The following PTPN13 variants were observed in gnomAD, a reference collection of about 807,000 sequenced individuals.
PTPN13 encodes the protein tyrosine-protein phosphatase non-receptor type 13.
PTPN13 carries 191 observed loss-of-function variants against 284.0 expected under a neutral mutation model. The observed-to-expected ratio is 0.67, with a 90% confidence interval of 0.60 to 0.76. The LOEUF (loss-of-function observed/expected upper bound fraction) is 0.76. Ranked by LOEUF, PTPN13 falls within the 30% of genes least tolerant of loss-of-function variation. The probability of loss-of-function intolerance (pLI) is 0.00; values close to 1 mark genes in which losing one functional copy is unlikely to be tolerated. For missense variants in PTPN13, 2,797 were observed against 2,939.9 expected, an observed-to-expected ratio of 0.95 and a Z score of 1.12; for synonymous variants, 986 against 1,022.3, an observed-to-expected ratio of 0.96 and a Z score of 0.68.
Position 86,758,666 on chromosome 4 carries a change from G to GTTA in PTPN13, c.3314-9_3314-7dup. On this transcript the variant is annotated splice_polypyrimidine_tract_variant and intron_variant, in intron 21 of 47. Transcript: ENST00000411767. ...CAATATGAAAATCTTTTTAAAATGTGTTATTTTACAGGATTTCAAATTATT... is the reference window on the plus strand; with the variant it reads ...CAATATGAAAATCTTTTTAAAATGTGTTATTATTTTACAGGATTTCAAATTATT... The GTTA allele has an allele frequency of 6.3e-7, 1 of 1,596,930 alleles. No homozygotes were observed. The highest frequency in any genetic ancestry group is 2.2e-5 in the East Asian group (1 of 44,778).
chr4:86,741,799 A>C lies in PTPN13; in HGVS notation c.2470A>C (p.Lys824Gln), dbSNP rs1436243853. 15 of 1,602,442 alleles carry C rather than the reference A, an allele frequency of 9.4e-6. No individual in the cohort carries two copies. Among genetic ancestry groups the C allele is most frequent in the Non-Finnish European group, 1.3e-5 (15 of 1,173,932 alleles). The change falls in exon 16 of 48, where the codon AAG becomes CAG. Residue 824 changes from lysine (K) to glutamine (Q), a missense_variant. Coordinates refer to ENST00000411767, the MANE Select transcript of PTPN13 (RefSeq NM_080683.3). ...LVLRFPWRET[K>Q]KISFSKKKIT... ...CCTTCGCTTTCCATGGAGGGAAACCAAGAAAATATCTTTTTCTGTATGTCC... is the reference window on the plus strand; with the variant it reads ...CCTTCGCTTTCCATGGAGGGAAACCCAGAAAATATCTTTTTCTGTATGTCC...
intron 2 of PTPN13, among the ~76,000 whole-genome samples, chr4:86,665,533 C>A (rs946863446): frequency 2.0e-5 from 3 of 152,056 alleles, no homozygotes; most frequent in African/African-American, 7.2e-5. Flanking sequence ...TTGGTTTGAT[C>A]GTCAAATCTT....
At chr4:86,803,450 G>A (rs954438895) in intron 42 of PTPN13, among the ~76,000 whole-genome samples, 1 of 151,890 alleles carries the variant, frequency 6.6e-6, no homozygotes, top group African/African-American at 2.4e-5. Flanking sequence ...AAATTAACCA[G>A]GCACAGAGGG....
In PTPN13 at chr4:86,769,887, C is replaced by G; in HGVS notation, c.4608C>G (p.Leu1536=). The G allele has an allele frequency of 1.2e-6, 2 of 1,613,926 alleles. No individual in the cohort carries two copies. Among genetic ancestry groups the G allele is most frequent in the South Asian group, 1.1e-5 (1 of 91,074 alleles). ...CCAGCATAGTAAGGGTTAAAAAGCTCTTTCCTGGACAGCCAGCAGCAGAAA... is the reference window on the plus strand; with the variant it reads ...CCAGCATAGTAAGGGTTAAAAAGCTGTTTCCTGGACAGCCAGCAGCAGAAA... ...INASIVRVKK[L]FPGQPAAESG... The change falls in exon 29 of 48, where the codon CTC becomes CTG. Residue 1536 remains leucine (L), a synonymous_variant. Coordinates refer to ENST00000411767, the MANE Select transcript of PTPN13 (RefSeq NM_080683.3).
In PTPN13 at chr4:86,607,685, G is replaced by A. The variant is rs1042324052; in HGVS notation, c.-6+12896G>A. 5.9e-5 allele frequency among the ~76,000 whole-genome samples: 9 copies of A among 152,054 alleles called. No individual in the cohort carries two copies. The East Asian group carries it at 9.7e-4, about 16-fold the overall frequency. On this transcript the variant is annotated intron_variant, in intron 1 of 47. Transcript: ENST00000411767. The stretch of plus-strand genomic sequence containing the variant: ...CAGTATTAAGGTGGGGCAAAAAATC[G>A]CCTCAATTTCCCTAGAAAAGATGAA...
intron 47 of PTPN13, among the ~76,000 whole-genome samples, chr4:86,812,285 G>C (rs1331891063): frequency 7.0e-6 from 1 of 143,372 alleles, no homozygotes; most frequent in Non-Finnish European, 1.5e-5. Flanking sequence ...ACTCCAGCCT[G>C]GGCGACAGAG....
chr4:86,642,187 A>G lies in PTPN13; in HGVS notation c.115+6816A>G, dbSNP rs576143440. 2.3e-3 allele frequency among the ~76,000 whole-genome samples: 344 copies of G among 152,146 alleles called. 1 individual carries two copies. Among genetic ancestry groups the G allele is most frequent in the Non-Finnish European group, 4.1e-3 (280 of 67,992 alleles). ...GCTTCATTTTTGTTGACACTTGCCT[A>G]CCTTTCCTATCTCTAGTATAGCTTT... On this transcript the variant is annotated intron_variant, in intron 2 of 47. Coordinates refer to ENST00000411767, the MANE Select transcript of PTPN13 (RefSeq NM_080683.3).
chr4:86,783,994 C>A (rs1741622999), intron 37 of PTPN13, among the ~76,000 whole-genome samples: 1 of 151,876 alleles, frequency 6.6e-6, no homozygotes, highest in South Asian at 2.1e-4. Context: ...GAGACTATAT[C>A]CATGTAATAC....
intron 2 of PTPN13, among the ~76,000 whole-genome samples, chr4:86,650,749 G>A (rs2148804622): frequency 6.6e-6 from 1 of 152,270 alleles, no homozygotes; most frequent in South Asian, 2.1e-4. Context: ...AAATGCTACT[G>A]ATTTTTGTAT....
chr4:86,604,754 G>A (rs901414962), intron 1 of PTPN13, among the ~76,000 whole-genome samples: 19 of 151,794 alleles, frequency 1.3e-4, no homozygotes, highest in African/African-American at 4.6e-4. Flanking sequence ...TGTTTCTTGT[G>A]TAAACTAATT....
In PTPN13 at chr4:86,655,799, G is replaced by A. The variant is rs543320433; in HGVS notation, c.116-16566G>A. Among the ~76,000 whole-genome samples, 111 of 152,228 alleles carry A rather than the reference G, an allele frequency of 7.3e-4. 1 individual carries two copies. The highest frequency in any genetic ancestry group is 2.2e-3 in the African/African-American group (90 of 41,532). ...TTTGAACGTTGGCCTGCCTTGCTAG[G>A]TTGGGGAAGTTCTCCTGGATAATAT... On this transcript the variant is annotated intron_variant, in intron 2 of 47. Coordinates refer to ENST00000411767, the MANE Select transcript of PTPN13 (RefSeq NM_080683.3).
intron 17 of PTPN13, among the ~76,000 whole-genome samples, chr4:86,749,208 A>C (rs192420054): frequency 3.3e-5 from 5 of 152,244 alleles, no homozygotes; most frequent in African/African-American, 1.2e-4. Flanking sequence ...GAAACAATCC[A>C]AGAATCTAAG....
chr4:86,598,005 A>T (rs1041546021), intron 1 of PTPN13, among the ~76,000 whole-genome samples: 1 of 152,194 alleles, frequency 6.6e-6, no homozygotes, highest in Non-Finnish European at 1.5e-5. Context: ...TCTCTGAAAC[A>T]AACTGTCTCA....
intron 44 of PTPN13, among the ~76,000 whole-genome samples, chr4:86,806,038 T>C (rs1340783004): frequency 6.6e-6 from 1 of 151,714 alleles, no homozygotes; most frequent in Non-Finnish European, 1.5e-5. Flanking sequence ...ATGCTTATAA[T>C]CCCAGCTACT....
chr4:86,664,335 A>G (rs1444261154), intron 2 of PTPN13, among the ~76,000 whole-genome samples: 1 of 152,188 alleles, frequency 6.6e-6, no homozygotes, highest in African/African-American at 2.4e-5. Flanking sequence ...TGAATAATTT[A>G]TACAGTTTCT....
At chr4:86,803,064 C>CTCTG (rs1554349931) in intron 42 of PTPN13, among the ~76,000 whole-genome samples, 16 of 136,154 alleles carry the variant, frequency 1.2e-4, no homozygotes, top group African/African-American at 4.4e-4. Context: ...CAGAATAAGA[C>CTCTG]TGTGTGTGTG....
intron 2 of PTPN13, among the ~76,000 whole-genome samples, chr4:86,661,643 TC>T (rs1214245523): frequency 6.6e-6 from 1 of 152,300 alleles, no homozygotes; most frequent in Admixed American, 6.5e-5. Context: ...TTTCATGAGT[TC>T]CTACAGATCA....
intron 2 of PTPN13, among the ~76,000 whole-genome samples, chr4:86,647,020 T>A (rs751866937): frequency 5.9e-5 from 9 of 152,146 alleles, no homozygotes; most frequent in Non-Finnish European, 1.2e-4. Flanking sequence ...CAAACTAAGC[T>A]GTAGTGAGTG....
intron 30 of PTPN13, among the ~76,000 whole-genome samples, chr4:86,770,969 C>T (rs1184332353): frequency 6.6e-6 from 1 of 152,056 alleles, no homozygotes; most frequent in Non-Finnish European, 1.5e-5. Flanking sequence ...TATAATACTA[C>T]TGTAGTTCTA....
Sources: gnomAD v4.1 joint callset for allele counts (sites outside exome capture counted in the v4.1 genomes callset) on GRCh38, gnomAD v4.1.1 for gene constraint, MANE v1.5 for transcripts, NCBI Gene and HGNC (gene_info 2026-07-23, HGNC 2026-07-21) for gene names.